The following PCDHA2 variants were observed in gnomAD, a reference collection of about 807,000 sequenced individuals.
PCDHA2 encodes protocadherin alpha-2.
In PCDHA2, 58 loss-of-function variants were observed where a neutral mutation model predicts 66.0. That is an observed-to-expected ratio of 0.88 (90% CI 0.71 to 1.09). PCDHA2 has a LOEUF of 1.09. Ranked by LOEUF, PCDHA2 falls within the 50% of genes least tolerant of loss-of-function variation. The pLI, the probability that PCDHA2 is intolerant of heterozygous loss-of-function variation, is 0.00. For synonymous variants in PCDHA2, 634 were observed against 554.0 expected (o/e 1.14, Z -2.03); for missense variants, 1,267 against 1,242.3 (o/e 1.02, Z -0.30).
In PCDHA2 at chr5:140,795,511, C is replaced by T. The variant is rs1172088574; in HGVS notation, c.547C>T (p.Gln183Ter). The T allele has an allele frequency of 3.1e-6, 5 of 1,614,044 alleles. No homozygotes were observed. The African/African-American group carries it at 5.3e-5, about 17-fold the overall frequency. Residue 183 changes from glutamine (Q) to a stop codon, truncating the protein, a stop_gained, in exon 1 of 4, where the codon CAG (glutamine) becomes TAG (stop). Coordinates refer to ENST00000526136, the MANE Select transcript of PCDHA2 (RefSeq NM_018905.3). LOFTEE classifies it high-confidence loss of function. ...CAGTGAGTTTTTCTTCCTAGATATA[C>T]AGGCAAATGATGAACTAAGCGAATC... ...SSSEFFFLDI[Q>*]ANDELSESLS...
chr5:140,981,465 T>C (rs1226815704), intron 2 of PCDHA2, among the ~76,000 whole-genome samples: 2 of 152,116 alleles, frequency 1.3e-5, no homozygotes, highest in Non-Finnish European at 1.5e-5. Context: ...TCCCAGCTAC[T>C]TGGGAGGCTG....
rs1554169929 is a variant in PCDHA2 at position 140,877,625 on chromosome 5, A to G, written c.2388+80273A>G. On this transcript the variant is annotated intron_variant, in intron 1 of 3. Coordinates refer to ENST00000526136, the MANE Select transcript of PCDHA2 (RefSeq NM_018905.3). ...CTGCTGGTGCTCACGCTGCTGCTGT[A>G]CACTGCGCTGCGTTGCTCAGCGCCG... 6.2e-7 allele frequency: 1 copy of G among 1,613,774 alleles called. No individual in the cohort carries two copies. Among genetic ancestry groups the G allele is most frequent in the Non-Finnish European group, 8.5e-7 (1 of 1,179,852 alleles).
At chr5:140,866,823 A>G (rs1375177663) in intron 1 of PCDHA2, 1 of 152,130 alleles carries the variant, frequency 6.6e-6, no homozygotes, top group Non-Finnish European at 1.5e-5. Context: ...TTAATCTTCA[A>G]TTGATTTTAC....
intron 3 of PCDHA2, among the ~76,000 whole-genome samples, chr5:140,998,365 A>G (rs1434602564): frequency 6.6e-6 from 1 of 152,142 alleles, no homozygotes; most frequent in African/African-American, 2.4e-5. Context: ...ACCACTGCAC[A>G]CACCGTCTCT....
At position 140,876,514 on chromosome 5, in the gene PCDHA2, C is replaced by T. The variant is rs782076196; in HGVS notation, c.2388+79162C>T. ...AGTTCTGGACGTGAATGACAATGTC[C>T]CTGAAGTAATGGTTACTTCACTGTC... On this transcript the variant is annotated intron_variant, in intron 1 of 3. Coordinates refer to ENST00000526136, the MANE Select transcript of PCDHA2 (RefSeq NM_018905.3). 2.5e-6 allele frequency: 4 copies of T among 1,614,026 alleles called. No homozygotes were observed. In the Admixed American group the frequency reaches 6.7e-5, roughly 27 times the overall value.
chr5:140,899,936 T>G (rs1443562291), intron 1 of PCDHA2, among the ~76,000 whole-genome samples: 1 of 152,064 alleles, frequency 6.6e-6, no homozygotes, highest in Non-Finnish European at 1.5e-5. Flanking sequence ...GCCTCCTGAA[T>G]AGCTGGGACC....
intron 1 of PCDHA2, chr5:140,968,774 C>T (rs2096269643): frequency 6.2e-7 from 1 of 1,614,088 alleles, no homozygotes. Flanking sequence ...AGAGCCATCA[C>T]TATCAGCCTC....
At position 140,850,061 on chromosome 5, in the gene PCDHA2, G is replaced by T. The variant is rs2150465496; in HGVS notation, c.2388+52709G>T. 7 of 1,596,546 alleles carry T rather than the reference G, an allele frequency of 4.4e-6. No individual in the cohort carries two copies. In the South Asian group the frequency reaches 6.6e-5, roughly 15 times the overall value. ...GCGGCAAGGTGTACGCGCTGCAGCCGTTGGACCACGAGGAGCTGGAGCTGC... is the reference window on the plus strand; with the variant it reads ...GCGGCAAGGTGTACGCGCTGCAGCCTTTGGACCACGAGGAGCTGGAGCTGC... On this transcript the variant is annotated intron_variant, in intron 1 of 3. Transcript: ENST00000526136.
At position 140,897,557 on chromosome 5, in the gene PCDHA2, A is replaced by G. The variant is rs2066188249; in HGVS notation, c.2389-81392A>G. Reference sequence around the variant, plus strand: ...GGCTGCATAGTCTTCCATGGTGTATATGTGCCACATTTTCTTAATCCAGTC... The same window carrying G: ...GGCTGCATAGTCTTCCATGGTGTATGTGTGCCACATTTTCTTAATCCAGTC... On this transcript the variant is annotated intron_variant, in intron 1 of 3. Coordinates refer to ENST00000526136, the MANE Select transcript of PCDHA2 (RefSeq NM_018905.3). Among the ~76,000 whole-genome samples, 4 of 151,994 alleles carry G rather than the reference A, an allele frequency of 2.6e-5. No individual in the cohort carries two copies. The South Asian group carries it at 8.3e-4, about 32-fold the overall frequency.
intron 1 of PCDHA2, among the ~76,000 whole-genome samples, chr5:140,924,769 C>T (rs988519447): frequency 1.3e-5 from 2 of 151,766 alleles, no homozygotes; most frequent in Admixed American, 6.6e-5. Flanking sequence ...GTGGTGCGCG[C>T]TTGTAGTCCT....
intron 1 of PCDHA2, among the ~76,000 whole-genome samples, chr5:140,937,317 G>A (rs1282380622): frequency 1.3e-5 from 2 of 152,048 alleles, no homozygotes; most frequent in Non-Finnish European, 2.9e-5. Context: ...GATTACAGGC[G>A]TGAGCCACCG....
rs782248457 is a variant in PCDHA2, at chr5:140,927,179, C to G, written c.2389-51770C>G. 8 of 1,614,050 alleles carry G rather than the reference C, an allele frequency of 5.0e-6. No individual in the cohort carries two copies. The South Asian group carries it at 8.8e-5, about 18-fold the overall frequency. ...AGGGCCAAAGCTGCCTGCGTCTTGA[C>G]CTACGACCTGGTGCTCGAGGACCCG... On this transcript the variant is annotated intron_variant, in intron 1 of 3. Transcript: ENST00000526136.
rs1320713440 is a variant in PCDHA2 at position 140,808,342 on chromosome 5, C to T, written c.2388+10990C>T. 3.1e-6 allele frequency: 5 copies of T among 1,614,132 alleles called. No homozygotes were observed. The East Asian group carries it at 1.1e-4, about 36-fold the overall frequency. On this transcript the variant is annotated intron_variant, in intron 1 of 3. Transcript: ENST00000526136. ...AAGACATGGGTGTCAATGGGCTGGT[C>T]ACCTGCTCCTTGACGTCCCACGTCC...
chr5:140,879,869 T>C lies in PCDHA2; in HGVS notation c.2388+82517T>C, dbSNP rs782705975. Among the ~76,000 whole-genome samples, 13 of 152,220 alleles carry C rather than the reference T, an allele frequency of 8.5e-5. 1 individual carries two copies. The highest frequency in any genetic ancestry group is 1.5e-4 in the Non-Finnish European group (10 of 68,042). ...CCCATCTCAGCCTTCTCAGCTTTCA[T>C]GGTCACATTGCCTCCTCCTCTCCAT... On this transcript the variant is annotated intron_variant, in intron 1 of 3. Coordinates refer to ENST00000526136, the MANE Select transcript of PCDHA2 (RefSeq NM_018905.3).
intron 1 of PCDHA2, among the ~76,000 whole-genome samples, chr5:140,901,442 T>G (rs1490397176): frequency 6.6e-6 from 1 of 152,206 alleles, no homozygotes; most frequent in Non-Finnish European, 1.5e-5. Flanking sequence ...GATATCTAGT[T>G]TCCCAGCACA....
intron 1 of PCDHA2, chr5:140,871,513 C>T (rs1554165693): frequency 6.4e-7 from 1 of 1,574,300 alleles, no homozygotes; most frequent in South Asian, 1.2e-5. Context: ...TCTACAGATT[C>T]CACCTATCAG....
At chr5:140,811,882 T>C (rs1554125838) in intron 1 of PCDHA2, 1 of 152,244 alleles carries the variant, frequency 6.6e-6, no homozygotes, top group Non-Finnish European at 1.5e-5. Context: ...TTAGGTTCTT[T>C]GTAGATTCTG....
chr5:140,870,718 G>C (rs2052330987), intron 1 of PCDHA2: 2 of 1,613,062 alleles, frequency 1.2e-6, no homozygotes. Context: ...CGCGCGCGAT[G>C]CGGGCGTGCC....
intron 1 of PCDHA2, among the ~76,000 whole-genome samples, chr5:140,890,076 C>G (rs2062479072): frequency 6.6e-6 from 1 of 152,150 alleles, no homozygotes. Flanking sequence ...CTTATGAGAA[C>G]TGATAATGCA....
Sources: gnomAD v4.1 joint callset for allele counts (sites outside exome capture counted in the v4.1 genomes callset) on GRCh38, gnomAD v4.1.1 for gene constraint, MANE v1.5 for transcripts, NCBI Gene and HGNC (gene_info 2026-07-23, HGNC 2026-07-21) for gene names.